The following SIPA1L2 variants were observed in gnomAD, a reference collection of about 807,000 sequenced individuals.
SIPA1L2 encodes the protein signal-induced proliferation-associated 1-like protein 2.
In SIPA1L2, 56 loss-of-function variants were observed where a neutral mutation model predicts 163.9. The ratio of observed to expected loss-of-function variants is 0.34; its 90% CI spans 0.28 to 0.43. SIPA1L2 has a LOEUF of 0.43. Ranked by LOEUF, SIPA1L2 falls within the 20% of genes least tolerant of loss-of-function variation. The probability of loss-of-function intolerance (pLI) is 1.00; values close to 1 mark genes in which losing one functional copy is unlikely to be tolerated. For missense variants in SIPA1L2, 1,974 were observed against 2,193.5 expected (o/e 0.90, Z 2.00); for synonymous variants, 877 against 865.7 (o/e 1.01, Z -0.23).
chr1:232,465,210 A>G lies in SIPA1L2; in HGVS notation c.2450T>C (p.Val817Ala), dbSNP rs1462299065. The change falls in exon 9 of 23, where the codon GTC becomes GCC. Residue 817 changes from valine (V) to alanine (A), a missense_variant. This residue lies in a region of SIPA1L2 where 288 missense variants were observed against 418.9 expected (regional missense o/e 0.69). Transcript: ENST00000674635. The surrounding 1 kb of genome is among the most constrained non-coding windows in gnomAD (Gnocchi z 4.1). ...AGAGGTATCCACGGTGGCGGTTGTG[A>G]CAAAGTTCTCCGCCAGATCTTTCAA... is the stretch of plus-strand genomic sequence containing the variant. The part of the protein sequence containing the change: ...EYLKDLAENF[V>A]TTATVDTSVK... 8.1e-6 allele frequency: 13 copies of G among 1,614,156 alleles called. No individual in the cohort carries two copies. The highest frequency in any genetic ancestry group is 1.0e-5 in the Non-Finnish European group (12 of 1,180,034).
intron 19 of SIPA1L2, among the ~76,000 whole-genome samples, chr1:232,412,620 C>T (rs1311021737): frequency 2.6e-5 from 4 of 152,104 alleles, no homozygotes; most frequent in African/African-American, 9.7e-5. Context: ...CACCACCATG[C>T]AACTCACGAG....
intron 3 of SIPA1L2, among the ~76,000 whole-genome samples, chr1:232,496,143 G>A (rs1666180083): frequency 6.6e-6 from 1 of 152,164 alleles, no homozygotes; most frequent in Non-Finnish European, 1.5e-5. Flanking sequence ...AGTCCTGCAA[G>A]CTCCATTCAT....
intron 11 of SIPA1L2, among the ~76,000 whole-genome samples, chr1:232,444,816 G>A (rs964666612): frequency 6.6e-6 from 1 of 152,182 alleles, no homozygotes; most frequent in African/African-American, 2.4e-5. Context: ...CTCCCAGTCC[G>A]TGGTCTATCA....
At chr1:232,563,254 C>T (rs774395597) in intron 2 of SIPA1L2, among the ~76,000 whole-genome samples, 1 of 152,210 alleles carries the variant, frequency 6.6e-6, no homozygotes, top group Non-Finnish European at 1.5e-5. Context: ...GAAAAGAAAA[C>T]TAAATTGTAT....
At chr1:232,409,128 T>C (rs1660806014) in intron 19 of SIPA1L2, among the ~76,000 whole-genome samples, 1 of 152,196 alleles carries the variant, frequency 6.6e-6, no homozygotes, top group African/African-American at 2.4e-5. Context: ...TAAGTTATAA[T>C]AGATCTTTTG....
At chr1:232,473,268 G>C (rs1214520763) in intron 7 of SIPA1L2, among the ~76,000 whole-genome samples, 1 of 152,182 alleles carries the variant, frequency 6.6e-6, no homozygotes, top group Non-Finnish European at 1.5e-5. Flanking sequence ...GCCCATCATT[G>C]TGTTCAATGT....
intron 18 of SIPA1L2, chr1:232,416,008 A>G (rs1331563405): frequency 4.6e-6 from 1 of 215,728 alleles, no homozygotes; most frequent in East Asian, 2.7e-4. Context: ...GAACACGGGC[A>G]CCACTGTCCC....
intron 18 of SIPA1L2, among the ~76,000 whole-genome samples, chr1:232,418,525 C>T (rs560622606): frequency 1.3e-5 from 2 of 152,338 alleles, no homozygotes; most frequent in South Asian, 2.1e-4. Context: ...CGGCTGCCCA[C>T]GGAGCAGGCC....
chr1:232,412,670 C>G (rs1661027902), intron 19 of SIPA1L2, among the ~76,000 whole-genome samples: 1 of 152,194 alleles, frequency 6.6e-6, no homozygotes, highest in Non-Finnish European at 1.5e-5. Context: ...TGAGGCAACA[C>G]TGATACAAGG....
At chr1:232,529,401 A>C (rs1322566705) in intron 2 of SIPA1L2, among the ~76,000 whole-genome samples, 3 of 152,226 alleles carry the variant, frequency 2.0e-5, no homozygotes, top group Non-Finnish European at 4.4e-5. Flanking sequence ...TCATCCATTG[A>C]CAATGACATG....
chr1:232,441,858 G>A lies in SIPA1L2; in HGVS notation c.3448C>T (p.Pro1150Ser). 6.2e-7 allele frequency: 1 copy of A among 1,612,230 alleles called. No homozygotes were observed. Among genetic ancestry groups the A allele is most frequent in the Non-Finnish European group, 8.5e-7 (1 of 1,179,156 alleles). ...PQVGYDGCQS[P>S]LLLEHQGSGP... ...GAGCCCTGGTGTTCGAGCAGTAGAG[G>A]GGACTGGCACCTGAAAAGAACACAG... Residue 1150 changes from proline (P) to serine (S), a missense_variant, in exon 13 of 23, where the codon CCT (proline) becomes TCT (serine). By Grantham distance (74) the Pro-to-Ser change is moderately conservative. Coordinates refer to ENST00000674635, the MANE Select transcript of SIPA1L2 (RefSeq NM_020808.5).
At chr1:232,509,973 C>A (rs558487042) in intron 3 of SIPA1L2, among the ~76,000 whole-genome samples, 4 of 152,174 alleles carry the variant, frequency 2.6e-5, no homozygotes, top group African/African-American at 9.7e-5. Context: ...CACAGAATCA[C>A]AGAACACTGA....
At chr1:232,529,893 T>C (rs1667890888) in intron 2 of SIPA1L2, among the ~76,000 whole-genome samples, 1 of 152,310 alleles carries the variant, frequency 6.6e-6, no homozygotes, top group Admixed American at 6.5e-5. Context: ...GCCCCACCTA[T>C]TGCAGAATGA....
chr1:232,498,639 C>A (rs1666317296), intron 3 of SIPA1L2, among the ~76,000 whole-genome samples: 1 of 152,174 alleles, frequency 6.6e-6, no homozygotes, highest in Non-Finnish European at 1.5e-5. Context: ...CGTTTCTTGG[C>A]TCATGGCCCT....
chr1:232,590,163 C>G (rs12036860), intron 1 of SIPA1L2, among the ~76,000 whole-genome samples: 45,150 of 152,066 alleles, frequency 0.3, 7,232 homozygotes, highest in South Asian at 0.36. Context: ...TGGAGCACAT[C>G]ATGGAACAGA....
chr1:232,409,045 TTCTG>T (rs1383475305), intron 19 of SIPA1L2, among the ~76,000 whole-genome samples: 7 of 152,186 alleles, frequency 4.6e-5, no homozygotes, highest in Admixed American at 4.6e-4. Flanking sequence ...ATATTCAGAT[TTCTG>T]TCTGAGCTCT....
rs78912997 is a variant in SIPA1L2 at position 232,456,079 on chromosome 1, C to T, written c.3095+4808G>A. Among the ~76,000 whole-genome samples the T allele has an allele frequency of 8.9e-3, 1,347 of 152,074 alleles. 16 individuals are homozygous for T. The highest frequency in any genetic ancestry group is 0.03 in the African/African-American group (1,230 of 41,454). ...GTAATTTACCCACGTAACACACCTG[C>T]ACATGTACCCCTTGAACCTAAAAGC... On this transcript the variant is annotated intron_variant, in intron 10 of 22. Transcript: ENST00000674635.
intron 15 of SIPA1L2, among the ~76,000 whole-genome samples, chr1:232,437,747 G>C (rs1459499832): frequency 6.6e-6 from 1 of 152,272 alleles, no homozygotes; most frequent in South Asian, 2.1e-4. Flanking sequence ...GGGGTGGTGT[G>C]GGGGCAGGGG....
In SIPA1L2 at chr1:232,514,407, C is replaced by T. The variant is rs1263813225; in HGVS notation, c.933G>A (p.Leu311=). The part of the protein sequence containing the change: ...EHETFKFTSE[L]EESRLERGIR... ...TGCCCCTCTCCAGTCGGCTCTCCTCCAGCTCAGACGTGAACTTGAAAGTTT... is the reference window on the plus strand; with the variant it reads ...TGCCCCTCTCCAGTCGGCTCTCCTCTAGCTCAGACGTGAACTTGAAAGTTT... Residue 311 remains leucine, a synonymous_variant, in exon 3 of 23, where the codon CTG becomes CTA. Coordinates refer to ENST00000674635, the MANE Select transcript of SIPA1L2 (RefSeq NM_020808.5). 5.6e-6 allele frequency: 9 copies of T among 1,613,994 alleles called. No individual in the cohort carries two copies. The highest frequency in any genetic ancestry group is 1.6e-4 in the Middle Eastern group (1 of 6,082).
Sources: gnomAD v4.1 joint callset for allele counts (sites outside exome capture counted in the v4.1 genomes callset) on GRCh38, gnomAD v4.1.1 for gene constraint, gnomAD v4.1.1 regional missense constraint, Gnocchi (gnomAD v3.1) non-coding constraint, MANE v1.5 for transcripts, NCBI Gene and HGNC (gene_info 2026-07-23, HGNC 2026-07-21) for gene names.